ENTR1: variants seen among roughly 807,000 people sequenced by gnomAD.
ENTR1 encodes the protein endosome-associated-trafficking regulator 1.
Under a neutral mutation model 47.9 loss-of-function variants are expected in ENTR1, and 47 were observed. That is an observed-to-expected ratio of 0.98 (90% CI 0.78 to 1.25). The LOEUF (loss-of-function observed/expected upper bound fraction) is 1.25. Among genes scored for constraint, ENTR1 ranks in the 50% most tolerant of loss-of-function variants. The probability of loss-of-function intolerance (pLI) is 0.00; values close to 1 mark genes in which losing one functional copy is unlikely to be tolerated. For missense variants in ENTR1, 668 were observed against 570.5 expected (o/e 1.17, Z -1.74); for synonymous variants, 290 against 245.8 (o/e 1.18, Z -1.68).
In ENTR1 at chr9:136,402,853, C is replaced by A. The variant is rs375386035; in HGVS notation, c.1243G>T (p.Val415Phe). Residue 415 changes from valine to phenylalanine, a missense_variant, in exon 10 of 10, where the codon GTT (valine) becomes TTT (phenylalanine). Val to Phe is a conservative substitution (Grantham distance 50). Coordinates refer to ENST00000357365, the MANE Select transcript of ENTR1 (RefSeq NM_001039707.2). ...LVSGAETLNL[V>F]AEILKSIDRI... is the part of the protein sequence containing the mutation. ...TCTATAGATTTAAGGATTTCGGCAA[C>A]AAGATTCAGTGTCTCAGCTCCGGAA... 2 of 1,612,414 alleles carry A rather than the reference C, an allele frequency of 1.2e-6. No homozygotes were observed. The highest frequency in any genetic ancestry group is 1.1e-5 in the South Asian group (1 of 91,038).
Position 136,407,251 on chromosome 9 carries a change from C to T in ENTR1, c.713G>A (p.Arg238His), listed in dbSNP as rs761319963. ...PSWALSDTDS[R>H]VSPASPAGSP... ...CCCTGCCGGAGAGGCCGGAGACACG[C>T]GAGAATCAGTGTCACTCAACGCCCA... is the stretch of plus-strand genomic sequence containing the variant. Residue 238 changes from arginine (R) to histidine (H), a missense_variant, in exon 5 of 10, where the codon CGC (arginine) becomes CAC (histidine). Coordinates refer to ENST00000357365, the MANE Select transcript of ENTR1 (RefSeq NM_001039707.2). 9.9e-6 allele frequency: 16 copies of T among 1,613,098 alleles called. No individual in the cohort carries two copies. In the East Asian group the frequency reaches 1.3e-4, roughly 13 times the overall value.
rs545173638 is a variant in ENTR1 at position 136,410,075 on chromosome 9, G to A, written c.220+15C>T. On this transcript the variant is annotated intron_variant, in intron 2 of 9. Transcript: ENST00000357365. ...AACTGGAAGCGTCCCCGGGGCCGGC[G>A]CCCTCGTCTCTCACCTGTGTCTCCC... 1.9e-6 allele frequency: 3 copies of A among 1,612,494 alleles called. No individual in the cohort carries two copies. In the East Asian group the frequency reaches 6.7e-5, roughly 36 times the overall value.
Position 136,410,262 on chromosome 9 carries a change from C to T in ENTR1, c.71-23G>A, listed in dbSNP as rs1228808030. The T allele has an allele frequency of 3.8e-6, 6 of 1,559,132 alleles. No homozygotes were observed. The Admixed American group carries it at 5.8e-5, about 15-fold the overall frequency. On this transcript the variant is annotated intron_variant, in intron 1 of 9. Transcript: ENST00000357365. ...GAGCTGGAAGCAACGACAACAGCGA[C>T]TTTACTGCGTGCCGGGGCGGCCGCC...
chr9:136,406,943 C>T, intron 5 of ENTR1: 1 of 574,674 alleles, frequency 1.7e-6, no homozygotes, highest in South Asian at 2.3e-5. Context: ...GCTTCTAGCT[C>T]ACCAGTCCTC....
At chr9:136,402,944 G>C in intron 9 of ENTR1, 57 bp from the exon 10 acceptor site, 1 of 989,162 alleles carries the variant, frequency 1.0e-6, no homozygotes, top group Non-Finnish European at 1.5e-6. Flanking sequence ...CAGCAACAGG[G>C]TTCTGGGGGG....
chr9:136,406,444 G>A (rs1045603118), intron 5 of ENTR1, among the ~76,000 whole-genome samples: 8 of 151,886 alleles, frequency 5.3e-5, no homozygotes, highest in East Asian at 3.9e-4. Flanking sequence ...ACTCCAGCAT[G>A]AGCAACAGAG....
intron 2 of ENTR1, among the ~76,000 whole-genome samples, chr9:136,409,404 A>G (rs960448660): frequency 2.0e-5 from 3 of 152,050 alleles, no homozygotes; most frequent in Admixed American, 6.5e-5. Flanking sequence ...GATGGTCTCA[A>G]TCTCCTGACC....
At chr9:136,405,349 G>T in intron 6 of ENTR1, 147 bp from the exon 7 acceptor site, 1 of 632,826 alleles carries the variant, frequency 1.6e-6, no homozygotes, top group South Asian at 1.8e-5. Flanking sequence ...GCAGCCTCAG[G>T]CCTGGACCTG....
intron 4 of ENTR1, 53 bp from the exon 5 acceptor site, chr9:136,407,614 C>A (rs370529310): frequency 6.7e-7 from 1 of 1,499,446 alleles, no homozygotes; most frequent in Non-Finnish European, 8.9e-7. Flanking sequence ...TGACTCGGAG[C>A]GCATCTTCCT....
Position 136,404,369 on chromosome 9 carries a change from G to A in ENTR1, c.1069-175C>T, listed in dbSNP as rs542311565. 7.2e-5 allele frequency among the ~76,000 whole-genome samples: 11 copies of A among 152,320 alleles called. No individual in the cohort carries two copies. The South Asian group carries it at 2.3e-3, about 32-fold the overall frequency. ...GCCTAATGGCTTCCCCTTCACTCCA[G>A]TATATGCTCAGCACCTAGCTCTATG... On this transcript the variant is annotated intron_variant, in intron 8 of 9. Transcript: ENST00000357365.
rs994123319 is a variant in ENTR1, at chr9:136,405,962, G to C, written c.836C>G (p.Ser279Cys). The C allele has an allele frequency of 6.2e-7, 1 of 1,608,914 alleles. No homozygotes were observed. Among genetic ancestry groups the C allele is most frequent in the Non-Finnish European group, 8.5e-7 (1 of 1,177,996 alleles). The change falls in exon 6 of 10, where the codon TCT becomes TGT. Residue 279 changes from serine (S) to cysteine (C), a missense_variant. Physicochemically the swap from Ser to Cys is moderately radical, Grantham distance 112. Transcript: ENST00000357365. ...CTCATTCAGCTTTCTTCTCAGCTTA[G>C]AATTTTCATCTTTCAGCTGTGGAGA... is the stretch of plus-strand genomic sequence containing the variant. The part of the protein sequence containing the change: ...ISYDALKDEN[S>C]KLRRKLNEVQ...
chr9:136,406,033 G>A (rs992785155), intron 5 of ENTR1, 55 bp from the exon 6 acceptor site: 106 of 1,364,804 alleles, frequency 7.8e-5, no homozygotes, highest in Middle Eastern at 5.4e-4. Flanking sequence ...TCAAAAGGGC[G>A]TGTGCTTCTG....
chr9:136,409,864 G>C (rs1383929690), intron 2 of ENTR1: 1 of 690,596 alleles, frequency 1.4e-6, no homozygotes. Context: ...TGTGCTCCCC[G>C]GGCACTAACC....
chr9:136,406,393 C>G (rs1431646240), intron 5 of ENTR1, among the ~76,000 whole-genome samples: 1 of 151,864 alleles, frequency 6.6e-6, no homozygotes, highest in Non-Finnish European at 1.5e-5. Flanking sequence ...CACTTGAACT[C>G]GGGAGGCGGA....
chr9:136,402,580 C>A lies in ENTR1; in HGVS notation c.*208G>T, dbSNP rs1414983758. ...ATCGCAGGAATTTCGCCAAGAAGGGCTGCATAGAAACCACAGAGACAACTC... is the reference window on the plus strand; with the variant it reads ...ATCGCAGGAATTTCGCCAAGAAGGGATGCATAGAAACCACAGAGACAACTC... On this transcript the variant is annotated 3_prime_UTR_variant, in exon 10 of 10. Coordinates refer to ENST00000357365, the MANE Select transcript of ENTR1 (RefSeq NM_001039707.2). 4.5e-6 allele frequency: 2 copies of A among 442,578 alleles called. No homozygotes were observed. Among genetic ancestry groups the A allele is most frequent in the Non-Finnish European group, 8.0e-6 (2 of 249,916 alleles). The allele number at this position is 442,578 out of a possible 1,614,324, so 27.4% of individuals were successfully genotyped here. A position where few individuals can be genotyped will look rare whatever the true frequency, so the allele number is the denominator to read the frequency against.
chr9:136,404,862 G>A, intron 7 of ENTR1, 169 bp from the exon 8 acceptor site: 1 of 704,960 alleles, frequency 1.4e-6, no homozygotes, highest in Admixed American at 2.5e-5. Flanking sequence ...CCCCTGGGAA[G>A]GGCTCATCGT....
chr9:136,403,577 G>A (rs999700152), intron 9 of ENTR1, among the ~76,000 whole-genome samples: 9 of 152,002 alleles, frequency 5.9e-5, no homozygotes, highest in East Asian at 3.9e-4. Context: ...CACAGGAGAC[G>A]GCTCCCTTGT....
In ENTR1 at chr9:136,404,263, G is replaced by A. The variant is rs1438556359; in HGVS notation, c.1069-69C>T. On this transcript the variant is annotated intron_variant, in intron 8 of 9. Coordinates refer to ENST00000357365, the MANE Select transcript of ENTR1 (RefSeq NM_001039707.2). Reference sequence around the variant, plus strand: ...ACCCGGCTGAAAGTCACCACCTGGCGAGGCGAGGGCTTACCCGTGGGGGCC... The same window carrying A: ...ACCCGGCTGAAAGTCACCACCTGGCAAGGCGAGGGCTTACCCGTGGGGGCC... The A allele has an allele frequency of 1.0e-5, 16 of 1,540,506 alleles. 1 individual carries two copies. The highest frequency in any genetic ancestry group is 2.5e-5 in the South Asian group (2 of 80,792).
chr9:136,406,966 T>C, intron 5 of ENTR1, 179 bp downstream of exon 5: 2 of 630,092 alleles, frequency 3.2e-6, no homozygotes, highest in Middle Eastern at 4.3e-4. Context: ...TAGCCGGTTC[T>C]ATTCCCACGT....
Sources: allele counts gnomAD v4.1 joint callset (sites outside exome capture counted in the v4.1 genomes callset), GRCh38; gene constraint gnomAD v4.1.1; transcripts MANE v1.5; gene names NCBI Gene and HGNC (gene_info 2026-07-23, HGNC 2026-07-21).